The following COL28A1 variants were observed in gnomAD, a reference collection of about 807,000 sequenced individuals.
COL28A1 encodes collagen type XXVIII alpha 1 chain, also known as collagen alpha-1(XXVIII) chain.
Under a neutral mutation model 150.2 loss-of-function variants are expected in COL28A1, and 161 were observed. The ratio of observed to expected loss-of-function variants is 1.07; its 90% CI spans 0.94 to 1.22. The LOEUF (loss-of-function observed/expected upper bound fraction) is 1.22. COL28A1 is among the 50% of genes most tolerant of loss of function. The pLI is 0.00. For missense variants in COL28A1, 1,617 were observed against 1,388.3 expected (o/e 1.16, Z -2.62); for synonymous variants, 552 against 469.7 (o/e 1.18, Z -2.26).
chr7:7,349,393 A>T, the COL28A1 span, among the ~76,000 whole-genome samples: 1 of 152,024 alleles, frequency 6.6e-6, no homozygotes, highest in East Asian at 1.9e-4. Context: ...TAATCCTTTC[A>T]GTTGGTTCTG....
chr7:7,380,263 C>T (rs1781797892), intron 30 of COL28A1, among the ~76,000 whole-genome samples: 1 of 152,190 alleles, frequency 6.6e-6, no homozygotes, highest in Non-Finnish European at 1.5e-5. Flanking sequence ...TGCTGCTCTT[C>T]TCAGAGCACT....
chr7:7,400,977 T>TGG (rs1185943396), intron 27 of COL28A1, among the ~76,000 whole-genome samples: 4 of 48,436 alleles, frequency 8.3e-5, no homozygotes, highest in South Asian at 4.9e-4. Flanking sequence ...GGTATTTGGG[T>TGG]GTGTGTGTGT....
chr7:7,398,779 C>T (rs1486910231), intron 27 of COL28A1, among the ~76,000 whole-genome samples: 1 of 152,160 alleles, frequency 6.6e-6, no homozygotes, highest in Non-Finnish European at 1.5e-5. Flanking sequence ...GTTGACTCTG[C>T]TAGAGACAAG....
In COL28A1 at chr7:7,500,329, G is replaced by T. The variant is rs528267664; in HGVS notation, c.1026+5685C>A. 3.9e-5 allele frequency among the ~76,000 whole-genome samples: 6 copies of T among 152,290 alleles called. 2 individuals are homozygous for T. Among genetic ancestry groups the T allele is most frequent in the African/African-American group, 1.4e-4 (6 of 41,564 alleles). ...ACCTTTTATTCACTCATTCATTCAAGAAATACTTGTTGCTTCATGTAACTG... is the reference window on the plus strand; with the variant it reads ...ACCTTTTATTCACTCATTCATTCAATAAATACTTGTTGCTTCATGTAACTG... On this transcript the variant is annotated intron_variant, in intron 11 of 34. Transcript: ENST00000399429.
downstream of COL28A1, among the ~76,000 whole-genome samples, chr7:7,351,372 C>A (rs1181585579): frequency 6.6e-6 from 1 of 152,190 alleles, no homozygotes; most frequent in Non-Finnish European, 1.5e-5. Flanking sequence ...CCACAGAAGA[C>A]ATCCAGCTCC....
At chr7:7,513,798 G>T (rs147298259) in intron 8 of COL28A1, among the ~76,000 whole-genome samples, 1 of 152,214 alleles carries the variant, frequency 6.6e-6, no homozygotes, top group Admixed American at 6.5e-5. Context: ...TGTTTTTTGG[G>T]GGGCACAGAT....
chr7:7,484,081 A>G (rs1779495503), intron 13 of COL28A1, among the ~76,000 whole-genome samples: 1 of 152,146 alleles, frequency 6.6e-6, no homozygotes, highest in African/African-American at 2.4e-5. Flanking sequence ...TTTTTAAACT[A>G]TGGAGTCCTC....
chr7:7,495,242 G>C (rs878859206), intron 11 of COL28A1, among the ~76,000 whole-genome samples: 3 of 152,020 alleles, frequency 2.0e-5, no homozygotes, highest in Admixed American at 2.0e-4. Context: ...TTAATGCTAA[G>C]TCTTTGAAAT....
At position 7,432,665 on chromosome 7, in the gene COL28A1, T is replaced by C; in HGVS notation, c.1896A>G (p.Pro632=). Residue 632 remains proline (P), a synonymous_variant, in exon 24 of 35, where the codon CCA becomes CCG. Coordinates refer to ENST00000399429, the MANE Select transcript of COL28A1 (RefSeq NM_001037763.3). ...VQGPRGPVGA[P]GLKGDGYPGV... Reference sequence around the variant, plus strand: ...CAGGATAGCCATCACCTTTGAGTCCTGGAGCACCCACTGGTCCCCGAGGGC... The same window carrying C: ...CAGGATAGCCATCACCTTTGAGTCCCGGAGCACCCACTGGTCCCCGAGGGC... The C allele has an allele frequency of 6.2e-7, 1 of 1,614,072 alleles. No individual in the cohort carries two copies. Among genetic ancestry groups the C allele is most frequent in the South Asian group, 1.1e-5 (1 of 91,078 alleles).
At chr7:7,459,845 G>T (rs1381090457) in intron 15 of COL28A1, among the ~76,000 whole-genome samples, 1 of 152,208 alleles carries the variant, frequency 6.6e-6, no homozygotes, top group Non-Finnish European at 1.5e-5. Context: ...CCATGACTGT[G>T]ATGGACCAAG....
chr7:7,413,255 C>A (rs1783885973), intron 27 of COL28A1, among the ~76,000 whole-genome samples: 1 of 152,086 alleles, frequency 6.6e-6, no homozygotes, highest in Non-Finnish European at 1.5e-5. Context: ...TTTGCTATAG[C>A]CCCATAAGAG....
intron 1 of COL28A1, among the ~76,000 whole-genome samples, chr7:7,534,405 T>C (rs981592655): frequency 2.6e-5 from 4 of 152,182 alleles, no homozygotes; most frequent in Non-Finnish European, 5.9e-5. Flanking sequence ...TGTACAACTT[T>C]AAGTCTGAAG....
At chr7:7,509,077 G>A (rs1002224848) in intron 9 of COL28A1, among the ~76,000 whole-genome samples, 5 of 151,912 alleles carry the variant, frequency 3.3e-5, no homozygotes, top group Middle Eastern at 3.4e-3. Flanking sequence ...CTGATGACCT[G>A]CCCACCTTGG....
chr7:7,508,123 T>A (rs1222592699), intron 9 of COL28A1, among the ~76,000 whole-genome samples: 1 of 151,236 alleles, frequency 6.6e-6, no homozygotes, highest in East Asian at 1.9e-4. Flanking sequence ...TCCCAGCTAC[T>A]GGGGAGGCTG....
chr7:7,406,021 G>C (rs1346122578), intron 27 of COL28A1, among the ~76,000 whole-genome samples: 1 of 152,064 alleles, frequency 6.6e-6, no homozygotes, highest in Non-Finnish European at 1.5e-5. Context: ...CACTTTTATT[G>C]CATTCATTGT....
At chr7:7,535,109 G>A (rs1225756499) in intron 1 of COL28A1, among the ~76,000 whole-genome samples, 2 of 152,062 alleles carry the variant, frequency 1.3e-5, no homozygotes, top group Non-Finnish European at 2.9e-5. Context: ...ATAGGTTTCA[G>A]AGGAAACAGT....
the COL28A1 span, among the ~76,000 whole-genome samples, chr7:7,346,986 T>C: frequency 6.6e-6 from 1 of 151,900 alleles, no homozygotes; most frequent in Non-Finnish European, 1.5e-5. Flanking sequence ...AAAATTATTT[T>C]TCTTTATCAA....
rs146024271 is a variant in COL28A1, at chr7:7,458,403, T to C, written c.1303-2291A>G. ...TGCACTCCAGCCTGGACAACAAGAG[T>C]GAAACTCTTGTCTCAAAAAAAAACA... On this transcript the variant is annotated intron_variant, in intron 15 of 34. Coordinates refer to ENST00000399429, the MANE Select transcript of COL28A1 (RefSeq NM_001037763.3). Among the ~76,000 whole-genome samples, 688 of 149,558 alleles carry C rather than the reference T, an allele frequency of 4.6e-3. 4 individuals carry two copies. The highest frequency in any genetic ancestry group is 0.021 in the East Asian group (108 of 5,076).
intron 25 of COL28A1, among the ~76,000 whole-genome samples, chr7:7,424,117 G>A (rs889772831): frequency 6.6e-6 from 1 of 152,138 alleles, no homozygotes; most frequent in Non-Finnish European, 1.5e-5. Context: ...ATGCTTTTGT[G>A]AATCTAATAG....
Sources: gnomAD v4.1 joint callset for allele counts (sites outside exome capture counted in the v4.1 genomes callset) on GRCh38, gnomAD v4.1.1 for gene constraint, MANE v1.5 for transcripts, NCBI Gene and HGNC (gene_info 2026-07-23, HGNC 2026-07-21) for gene names.